Variants in NRXN1 observed in about 807,000 individuals in gnomAD.
NRXN1 encodes the protein neurexin-1.
NRXN1 carries 39 observed loss-of-function variants against 150.9 expected under a neutral mutation model. That is an observed-to-expected ratio of 0.26 (90% CI 0.20 to 0.34). NRXN1 has a LOEUF of 0.34. Among genes scored for constraint, NRXN1 ranks in the 10% least tolerant of loss-of-function variants. The probability of loss-of-function intolerance (pLI) is 1.00; values close to 1 mark genes in which losing one functional copy is unlikely to be tolerated. For missense variants in NRXN1, 1,815 were observed against 1,949.9 expected, an observed-to-expected ratio of 0.93 and a Z score of 1.30; for synonymous variants, 924 against 757.0, an observed-to-expected ratio of 1.22 and a Z score of -3.62.
intron 5 of NRXN1, among the ~76,000 whole-genome samples, chr2:50,753,718 T>C (rs1219822020): frequency 6.6e-6 from 1 of 151,820 alleles, no homozygotes; most frequent in Non-Finnish European, 1.5e-5. Flanking sequence ...AAACTGCATG[T>C]TTTTAGGAAA....
At chr2:49,957,343 T>C (rs564918022) in intron 21 of NRXN1, among the ~76,000 whole-genome samples, 1 of 152,256 alleles carries the variant, frequency 6.6e-6, no homozygotes, top group African/African-American at 2.4e-5. Context: ...ATATGGAAGA[T>C]ATTATCATGA....
At chr2:50,804,304 G>A (rs1667229288) in intron 5 of NRXN1, among the ~76,000 whole-genome samples, 1 of 152,100 alleles carries the variant, frequency 6.6e-6, no homozygotes, top group Admixed American at 6.6e-5. Flanking sequence ...AAAATAACAA[G>A]AGCTACCATT....
chr2:49,998,506 AC>A, intron 21 of NRXN1, among the ~76,000 whole-genome samples: 1 of 152,180 alleles, frequency 6.6e-6, no homozygotes, highest in South Asian at 2.1e-4. Flanking sequence ...TTTTGGAAAT[AC>A]CCAGTATTTT....
intron 5 of NRXN1, among the ~76,000 whole-genome samples, chr2:50,782,668 A>C (rs1253953951): frequency 6.6e-6 from 1 of 152,216 alleles, no homozygotes; most frequent in African/African-American, 2.4e-5. Context: ...CAACCTATGA[A>C]GCTCAGGGAT....
At chr2:50,298,992 G>T (rs1290509858) in intron 17 of NRXN1, among the ~76,000 whole-genome samples, 1 of 152,118 alleles carries the variant, frequency 6.6e-6, no homozygotes, top group African/African-American at 2.4e-5. Context: ...ATTTTCAAAA[G>T]ATATTGGCAT....
At chr2:50,664,098 T>C (rs986322399) in intron 5 of NRXN1, among the ~76,000 whole-genome samples, 12 of 152,020 alleles carry the variant, frequency 7.9e-5, no homozygotes, top group African/African-American at 2.4e-4. Context: ...TACAGTCTAT[T>C]ATGGCAGACA....
At chr2:50,183,138 G>C (rs981407703) in intron 18 of NRXN1, among the ~76,000 whole-genome samples, 1 of 152,064 alleles carries the variant, frequency 6.6e-6, no homozygotes, top group African/African-American at 2.4e-5. Context: ...TTCTTGAAAG[G>C]TGATTTTAGA....
intron 21 of NRXN1, among the ~76,000 whole-genome samples, chr2:49,976,484 TC>T (rs1174029809): frequency 2.6e-5 from 4 of 152,214 alleles, no homozygotes; most frequent in African/African-American, 9.6e-5. Context: ...GGTTTACTTT[TC>T]TAATTTAAAA....
chr2:50,888,616 C>T (rs1370884450), intron 5 of NRXN1, among the ~76,000 whole-genome samples: 1 of 151,536 alleles, frequency 6.6e-6, no homozygotes, highest in Admixed American at 6.6e-5. Context: ...TCATGAACTG[C>T]AATAACTGTA....
At chr2:50,275,327 A>C (rs953160729) in intron 17 of NRXN1, among the ~76,000 whole-genome samples, 2 of 152,206 alleles carry the variant, frequency 1.3e-5, no homozygotes, top group Non-Finnish European at 2.9e-5. Context: ...TATGAAAATC[A>C]ATATAGATTT....
chr2:50,207,865 C>T (rs551329314), intron 18 of NRXN1, among the ~76,000 whole-genome samples: 3 of 152,218 alleles, frequency 2.0e-5, no homozygotes, highest in African/African-American at 7.2e-5. Flanking sequence ...TATTCAGTAC[C>T]ACAAGTTAGG....
At chr2:50,986,491 C>T (rs1045223557) in intron 2 of NRXN1, among the ~76,000 whole-genome samples, 27 of 151,618 alleles carry the variant, frequency 1.8e-4, no homozygotes, top group Admixed American at 2.6e-4. Context: ...GAAAATACTG[C>T]GCAGATTTTT....
At chr2:50,285,847 T>C (rs556812105) in intron 17 of NRXN1, among the ~76,000 whole-genome samples, 4 of 147,124 alleles carry the variant, frequency 2.7e-5, no homozygotes, top group African/African-American at 7.6e-5. Flanking sequence ...TGACAGTGTA[T>C]AAAAGAGTTT....
At chr2:50,933,920 G>A (rs945613230) in intron 2 of NRXN1, among the ~76,000 whole-genome samples, 36 of 152,092 alleles carry the variant, frequency 2.4e-4, no homozygotes, top group Admixed American at 1.2e-3. Context: ...ATAAGAAGAC[G>A]GTATACTTAA....
intron 18 of NRXN1, among the ~76,000 whole-genome samples, chr2:50,107,517 C>CTATATATATATA (rs1333614060): frequency 1.9e-4 from 23 of 123,816 alleles, no homozygotes; most frequent in South Asian, 5.1e-4. Context: ...ACATTCCAGA[C>CTATATATATATA]TACATATATA....
intron 21 of NRXN1, among the ~76,000 whole-genome samples, chr2:50,020,632 T>A (rs1340636260): frequency 1.3e-5 from 2 of 152,200 alleles, no homozygotes; most frequent in Non-Finnish European, 2.9e-5. Flanking sequence ...ATGCTCTGTT[T>A]CACTTCTCAG....
intron 22 of NRXN1, among the ~76,000 whole-genome samples, chr2:49,924,569 A>G (rs576944075): frequency 1.3e-5 from 2 of 152,366 alleles, no homozygotes; most frequent in South Asian, 2.1e-4. Context: ...CACAAAGACC[A>G]TAACAAAGCC....
At chr2:50,557,404 C>A (rs1668414136) in intron 8 of NRXN1, among the ~76,000 whole-genome samples, 2 of 152,138 alleles carry the variant, frequency 1.3e-5, no homozygotes, top group Non-Finnish European at 2.9e-5. Context: ...ATGACCCTCC[C>A]TGAGAGAACA....
chr2:50,627,696 T>C (rs1486341528), intron 5 of NRXN1, among the ~76,000 whole-genome samples: 1 of 151,548 alleles, frequency 6.6e-6, no homozygotes. Flanking sequence ...ACTGAATAAG[T>C]AGATCTCTGA....
Sources: gnomAD v4.1 joint callset for allele counts (sites outside exome capture counted in the v4.1 genomes callset) on GRCh38, gnomAD v4.1.1 for gene constraint, MANE v1.5 for transcripts, NCBI Gene and HGNC (gene_info 2026-07-23, HGNC 2026-07-21) for gene names.